The following ZZZ3 variants were observed in gnomAD, a reference collection of about 807,000 sequenced individuals.
The protein encoded by ZZZ3 is zinc finger ZZ-type containing 3.
ZZZ3 carries 22 observed loss-of-function variants against 95.2 expected under a neutral mutation model. The observed-to-expected ratio is 0.23, with a 90% CI of 0.17 to 0.33. ZZZ3 has a LOEUF of 0.33. Ranked by LOEUF, ZZZ3 falls within the 10% of genes least tolerant of loss-of-function variation. The pLI is 1.00. For missense variants in ZZZ3, 885 were observed against 1,066.5 expected (o/e 0.83, Z 2.37); for synonymous variants, 335 against 358.9 (o/e 0.93, Z 0.75).
chr1:77,639,551 T>C lies in ZZZ3; in HGVS notation c.-154A>G. 9.2e-7 allele frequency: 1 copy of C among 1,087,258 alleles called. No homozygotes were observed. Among genetic ancestry groups the C allele is most frequent in the South Asian group, 2.1e-5 (1 of 46,774 alleles). The allele number at this position is 1,087,258 out of a possible 1,614,324, so 67.4% of individuals were successfully genotyped here. A position where few individuals can be genotyped will look rare whatever the true frequency, so the allele number is the denominator to read the frequency against. On this transcript the variant is annotated 5_prime_UTR_variant, in exon 4 of 15. It removes the in-frame stop codon of an upstream open reading frame in the 5' UTR. Transcript: ENST00000370801. ...AGAATGGAGCTTAAGCATCAGGGTT[T>C]CAGACTCTCTCAGCTTCAGCCATGA... is the stretch of plus-strand genomic sequence containing the variant.
chr1:77,572,287 G>A (rs551199388), intron 12 of ZZZ3, among the ~76,000 whole-genome samples: 2 of 152,088 alleles, frequency 1.3e-5, no homozygotes, highest in Non-Finnish European at 2.9e-5. Context: ...TTGTCAAACT[G>A]TACCTTTGGG....
chr1:77,606,723 C>G (rs1665270157), intron 5 of ZZZ3, among the ~76,000 whole-genome samples: 1 of 152,164 alleles, frequency 6.6e-6, no homozygotes, highest in Non-Finnish European at 1.5e-5. Flanking sequence ...AGATCTTATC[C>G]AAGACCACCA....
chr1:77,650,043 T>A (rs1305168872), intron 1 of ZZZ3, among the ~76,000 whole-genome samples: 2 of 152,130 alleles, frequency 1.3e-5, no homozygotes, highest in Non-Finnish European at 2.9e-5. Flanking sequence ...TAAAGTGGTA[T>A]AACAGCACTT....
chr1:77,609,921 C>G (rs1665616773), intron 5 of ZZZ3, among the ~76,000 whole-genome samples: 1 of 151,636 alleles, frequency 6.6e-6, no homozygotes, highest in African/African-American at 2.4e-5. Context: ...GGTATCAGTG[C>G]CAACATAAAA....
chr1:77,673,266 G>A (rs1671947630), intron 1 of ZZZ3, among the ~76,000 whole-genome samples: 1 of 152,114 alleles, frequency 6.6e-6, no homozygotes, highest in Non-Finnish European at 1.5e-5. Context: ...AAAGTGAAAT[G>A]AGAAGAAAAT....
intron 5 of ZZZ3, among the ~76,000 whole-genome samples, chr1:77,609,623 C>T (rs561655504): frequency 1.3e-5 from 2 of 152,028 alleles, no homozygotes; most frequent in East Asian, 3.9e-4. Flanking sequence ...TTTTTGAGGA[C>T]AGAATATGTT....
intron 5 of ZZZ3, among the ~76,000 whole-genome samples, chr1:77,614,656 A>T (rs1666134820): frequency 6.6e-6 from 1 of 152,154 alleles, no homozygotes; most frequent in East Asian, 1.9e-4. Context: ...AGCTTTGAGA[A>T]AAAATAAATT....
intron 5 of ZZZ3, among the ~76,000 whole-genome samples, chr1:77,612,762 T>C (rs1299502052): frequency 6.6e-6 from 1 of 151,336 alleles, no homozygotes; most frequent in African/African-American, 2.4e-5. Flanking sequence ...ACAGAGATAA[T>C]GAAACAGTGG....
At chr1:77,594,962 T>TGG (rs940984099) in intron 5 of ZZZ3, among the ~76,000 whole-genome samples, 1 of 149,792 alleles carries the variant, frequency 6.7e-6, no homozygotes, top group African/African-American at 2.5e-5. Context: ...TCCTCTCAGC[T>TGG]GGATCATTAG....
At chr1:77,642,254 A>G (rs1278539950) in intron 1 of ZZZ3, among the ~76,000 whole-genome samples, 3 of 152,232 alleles carry the variant, frequency 2.0e-5, no homozygotes, top group African/African-American at 4.8e-5. Flanking sequence ...AGATCTACAC[A>G]CTTACATTGA....
chr1:77,579,302 A>C (rs1662269883), intron 10 of ZZZ3, among the ~76,000 whole-genome samples: 1 of 152,210 alleles, frequency 6.6e-6, no homozygotes, highest in African/African-American at 2.4e-5. Context: ...TAAGTCCATT[A>C]TATGTTCATT....
intron 1 of ZZZ3, among the ~76,000 whole-genome samples, chr1:77,659,261 GC>G (rs1346604275): frequency 6.6e-6 from 1 of 152,090 alleles, no homozygotes; most frequent in Non-Finnish European, 1.5e-5. Context: ...ACTCAATGTA[GC>G]TTTAAGTGTT....
chr1:77,667,487 TTTC>T (rs1309190744), intron 1 of ZZZ3, among the ~76,000 whole-genome samples: 1 of 152,174 alleles, frequency 6.6e-6, no homozygotes, highest in Non-Finnish European at 1.5e-5. Flanking sequence ...AAAAGCCTTC[TTTC>T]TTCTTTATTG....
intron 1 of ZZZ3, among the ~76,000 whole-genome samples, chr1:77,669,373 AC>A (rs1671536616): frequency 6.6e-6 from 1 of 152,000 alleles, no homozygotes; most frequent in Non-Finnish European, 1.5e-5. Flanking sequence ...TGTTCACATC[AC>A]TTTAATCCTA....
chr1:77,588,891 C>T (rs976956821), intron 5 of ZZZ3, among the ~76,000 whole-genome samples: 4 of 152,156 alleles, frequency 2.6e-5, no homozygotes, highest in Non-Finnish European at 4.4e-5. Context: ...TTCTTATTTT[C>T]GCCTTTTGAG....
chr1:77,611,398 C>A (rs2100732950), intron 5 of ZZZ3, among the ~76,000 whole-genome samples: 1 of 151,956 alleles, frequency 6.6e-6, no homozygotes, highest in East Asian at 1.9e-4. Flanking sequence ...ATTAAAATGT[C>A]CATACTACTC....
chr1:77,601,104 G>A lies in ZZZ3; in HGVS notation c.1506-16449C>T, dbSNP rs116101650. Among the ~76,000 whole-genome samples the A allele has an allele frequency of 8.9e-4, 135 of 152,292 alleles. No homozygotes were observed. The Middle Eastern group carries it at 0.017, about 19-fold the overall frequency. On this transcript the variant is annotated intron_variant, in intron 5 of 14. Coordinates refer to ENST00000370801, the MANE Select transcript of ZZZ3 (RefSeq NM_015534.6). The stretch of plus-strand genomic sequence containing the variant: ...AGAAAGTGGACTGTATTAAGGTAGT[G>A]GGGATGGAGATAGAAAAGGTAAGTA...
At chr1:77,658,074 G>A (rs989621052) in intron 1 of ZZZ3, among the ~76,000 whole-genome samples, 7 of 151,560 alleles carry the variant, frequency 4.6e-5, no homozygotes, top group African/African-American at 1.7e-4. Flanking sequence ...AGCTACTAGG[G>A]AGGCTGAGGC....
intron 5 of ZZZ3, among the ~76,000 whole-genome samples, chr1:77,594,747 T>C (rs1432039396): frequency 2.6e-5 from 4 of 151,746 alleles, no homozygotes; most frequent in Non-Finnish European, 5.9e-5. Context: ...AACATGAAGC[T>C]GAGAAGGATA....
Sources: gnomAD v4.1 joint callset for allele counts (sites outside exome capture counted in the v4.1 genomes callset) on GRCh38, gnomAD v4.1.1 for gene constraint, MANE v1.5 for transcripts, NCBI Gene and HGNC (gene_info 2026-07-23, HGNC 2026-07-21) for gene names.